The following JMJD1C variants were observed in gnomAD, a reference collection of about 807,000 sequenced individuals.
The protein encoded by JMJD1C is jumonji domain-containing protein 1C.
Under a neutral mutation model 245.3 loss-of-function variants are expected in JMJD1C, and 31 were observed. That is an observed-to-expected ratio of 0.13 (90% CI 0.09 to 0.17). JMJD1C has a LOEUF of 0.17. Ranked by LOEUF, JMJD1C falls within the 10% of genes least tolerant of loss-of-function variation. The pLI is 1.00. For synonymous variants in JMJD1C, 1,057 were observed against 1,017.4 expected (o/e 1.04, Z -0.74); for missense variants, 2,691 against 3,000.2 (o/e 0.90, Z 2.41).
In JMJD1C at chr10:63,185,625, T is replaced by A; in HGVS notation, c.6768A>T (p.Thr2256=). Residue 2256 remains threonine, a synonymous_variant, in exon 20 of 26, where the codon ACA becomes ACT. Transcript: ENST00000399262. ...SKRQKNKSGE[T]VVLKLKDWPS... ...GCCAGTCTTTCAATTTTAAAACAAC[T>A]GTTTCTCCACTCTTGTTTTTCTGCC... is the stretch of plus-strand genomic sequence containing the variant. 3.1e-6 allele frequency: 5 copies of A among 1,603,808 alleles called. No homozygotes were observed. Among genetic ancestry groups the A allele is most frequent in the Non-Finnish European group, 4.3e-6 (5 of 1,170,440 alleles).
chr10:63,233,148 C>T (rs2133407222), intron 3 of JMJD1C, among the ~76,000 whole-genome samples: 1 of 152,276 alleles, frequency 6.6e-6, no homozygotes, highest in South Asian at 2.1e-4. Context: ...AGCAAACACA[C>T]TACAATTTAA....
At chr10:63,343,850 T>G (rs1174246934) in intron 2 of JMJD1C, among the ~76,000 whole-genome samples, 1 of 151,882 alleles carries the variant, frequency 6.6e-6, no homozygotes, top group African/African-American at 2.4e-5. Flanking sequence ...CCGGCCTGGG[T>G]AATGTGGCAA....
At chr10:63,179,601 G>A (rs555200746) in intron 22 of JMJD1C, among the ~76,000 whole-genome samples, 23 of 151,618 alleles carry the variant, frequency 1.5e-4, no homozygotes, top group South Asian at 4.2e-4. Context: ...GGTAAAACCC[G>A]TCTTTACAAA....
chr10:63,283,237 A>G (rs751658928), intron 2 of JMJD1C, among the ~76,000 whole-genome samples: 2 of 152,236 alleles, frequency 1.3e-5, no homozygotes, highest in Non-Finnish European at 2.9e-5. Context: ...AAAGTTTCAG[A>G]TAGCCTATAA....
At position 63,209,241 on chromosome 10, in the gene JMJD1C, A is replaced by C. The variant is rs774420349; in HGVS notation, c.2695-6T>G. Reference sequence around the variant, plus strand: ...AGCCAAGGACTGGGAGAATTCTATTAACAAAACAAAACAAAAAAAACACCT... The same window carrying C: ...AGCCAAGGACTGGGAGAATTCTATTCACAAAACAAAACAAAAAAAACACCT... On this transcript the variant is annotated splice_region_variant and splice_polypyrimidine_tract_variant and intron_variant, in intron 8 of 25. Transcript: ENST00000399262. The C allele has an allele frequency of 1.9e-6, 3 of 1,576,594 alleles. No individual in the cohort carries two copies. The highest frequency in any genetic ancestry group is 2.3e-5 in the East Asian group (1 of 44,270).
At chr10:63,471,325 A>C (rs2133151367) in intron 1 of JMJD1C, among the ~76,000 whole-genome samples, 1 of 152,352 alleles carries the variant, frequency 6.6e-6, no homozygotes, top group East Asian at 1.9e-4. Flanking sequence ...CTAAAAAGTA[A>C]TACCAACTCA....
chr10:63,291,686 G>GGCATGATCACAGT (rs944084292), intron 2 of JMJD1C, among the ~76,000 whole-genome samples: 43 of 151,436 alleles, frequency 2.8e-4, no homozygotes, highest in African/African-American at 9.2e-4. Context: ...ACTATTCACA[G>GGCATGATCACAGT]GCATGATCAC....
At chr10:63,502,354 G>T (rs1186307793) in intron 1 of JMJD1C, among the ~76,000 whole-genome samples, 5 of 151,574 alleles carry the variant, frequency 3.3e-5, no homozygotes, top group Admixed American at 3.3e-4. Flanking sequence ...AAAACCTGCC[G>T]GCGGCCAGGC....
intron 2 of JMJD1C, among the ~76,000 whole-genome samples, chr10:63,292,220 T>C (rs1490962227): frequency 7.2e-6 from 1 of 138,346 alleles, no homozygotes; most frequent in Non-Finnish European, 1.5e-5. Flanking sequence ...CAGCTTCCCA[T>C]AGTGCTGGGA....
chr10:63,187,367 A>T (rs1021048584), intron 18 of JMJD1C, among the ~76,000 whole-genome samples: 1 of 152,226 alleles, frequency 6.6e-6, no homozygotes, highest in Non-Finnish European at 1.5e-5. Context: ...TAAATTTTTT[A>T]AAAAAGATAA....
intron 3 of JMJD1C, among the ~76,000 whole-genome samples, chr10:63,237,239 T>A (rs1464056526): frequency 6.6e-6 from 1 of 152,174 alleles, no homozygotes; most frequent in Non-Finnish European, 1.5e-5. Context: ...GGTTTCACCA[T>A]GTTGCCCAGG....
chr10:63,500,889 G>A (rs373600864), intron 1 of JMJD1C, among the ~76,000 whole-genome samples: 2 of 152,060 alleles, frequency 1.3e-5, no homozygotes, highest in East Asian at 3.8e-4. Flanking sequence ...AACTATAGAA[G>A]GTAGCTTGGT....
At chr10:63,455,867 T>C (rs1433139907) in intron 1 of JMJD1C, among the ~76,000 whole-genome samples, 1 of 152,128 alleles carries the variant, frequency 6.6e-6, no homozygotes, top group African/African-American at 2.4e-5. Flanking sequence ...GAAAAAACAC[T>C]GAAAATAAAT....
At chr10:63,203,414 A>C in intron 10 of JMJD1C, 1 of 985,382 alleles carries the variant, frequency 1.0e-6, no homozygotes, top group East Asian at 1.1e-4. Context: ...CTCTAACAGA[A>C]AACTGGGGAG....
At chr10:63,236,919 G>A (rs552892561) in intron 3 of JMJD1C, among the ~76,000 whole-genome samples, 1 of 152,182 alleles carries the variant, frequency 6.6e-6, no homozygotes, top group African/African-American at 2.4e-5. Context: ...TTCAAGACCA[G>A]CCTGGGAAAC....
chr10:63,319,652 C>T (rs1023142122), intron 2 of JMJD1C, among the ~76,000 whole-genome samples: 1 of 152,108 alleles, frequency 6.6e-6, no homozygotes. Context: ...GTCAATTTTT[C>T]TTTTATATTT....
chr10:63,214,397 G>A lies in JMJD1C; in HGVS notation c.1770C>T (p.Asn590=), dbSNP rs1303188975. 12 of 1,613,698 alleles carry A rather than the reference G, an allele frequency of 7.4e-6. 1 individual carries two copies. The Middle Eastern group carries it at 4.9e-4, about 66-fold the overall frequency. ...AAGAGACATACTTCTCTTTTTCCAT[G>A]TTCAAGTGATCATTTCCTGAAGAAG... is the stretch of plus-strand genomic sequence containing the variant. ...TNASSGNDHL[N]MEKEKYVSYI... Residue 590 remains asparagine (N), a synonymous_variant, in exon 8 of 26, where the codon AAC becomes AAT. Transcript: ENST00000399262.
chr10:63,248,559 T>TA (rs1852596049), intron 3 of JMJD1C, among the ~76,000 whole-genome samples: 1 of 151,494 alleles, frequency 6.6e-6, no homozygotes, highest in African/African-American at 2.4e-5. Flanking sequence ...AATAAATAAA[T>TA]AAATAAATGA....
intron 1 of JMJD1C, among the ~76,000 whole-genome samples, chr10:63,513,070 C>G (rs1181327275): frequency 6.6e-6 from 1 of 152,062 alleles, no homozygotes; most frequent in Non-Finnish European, 1.5e-5. Flanking sequence ...TCCATCTGTT[C>G]TTGCATATTG....
Sources: gnomAD v4.1 joint callset for allele counts (sites outside exome capture counted in the v4.1 genomes callset) on GRCh38, gnomAD v4.1.1 for gene constraint, MANE v1.5 for transcripts, NCBI Gene and HGNC (gene_info 2026-07-23, HGNC 2026-07-21) for gene names.